The following KCNB2 variants were observed in gnomAD, a reference collection of about 807,000 sequenced individuals.
KCNB2 encodes the protein delayed rectifier potassium channel protein.
Under a neutral mutation model 61.5 loss-of-function variants are expected in KCNB2, and 15 were observed. The observed-to-expected ratio is 0.24, with a 90% confidence interval of 0.16 to 0.38. KCNB2 has a LOEUF of 0.38. KCNB2 is among the 10% of genes least tolerant of loss of function. The pLI is 1.00. For missense variants in KCNB2, 828 were observed against 1,125.2 expected (o/e 0.74, Z 3.78); for synonymous variants, 457 against 446.0 (o/e 1.02, Z -0.31).
At chr8:72,665,155 G>T (rs58750949) in intron 2 of KCNB2, among the ~76,000 whole-genome samples, 1 of 152,198 alleles carries the variant, frequency 6.6e-6, no homozygotes, top group Non-Finnish European at 1.5e-5. Context: ...GCATATGACC[G>T]CTTGAGGTGC....
chr8:72,562,133 TG>T (rs1426561358), intron 1 of KCNB2, among the ~76,000 whole-genome samples: 1 of 152,076 alleles, frequency 6.6e-6, no homozygotes, highest in Non-Finnish European at 1.5e-5. Flanking sequence ...AACACAAAAA[TG>T]AAATGTTAAA....
At chr8:72,790,435 T>C (rs1475034175) in intron 2 of KCNB2, among the ~76,000 whole-genome samples, 2 of 152,178 alleles carry the variant, frequency 1.3e-5, no homozygotes, top group East Asian at 1.9e-4. Context: ...GTGAGGATTT[T>C]TTAAATGTCC....
chr8:72,559,481 G>T (rs1806479055), intron 1 of KCNB2, among the ~76,000 whole-genome samples: 1 of 152,062 alleles, frequency 6.6e-6, no homozygotes, highest in Non-Finnish European at 1.5e-5. Context: ...AGGAAGCCGT[G>T]AGAGCATCTT....
intron 1 of KCNB2, among the ~76,000 whole-genome samples, chr8:72,559,680 T>G (rs949114347): frequency 3.3e-5 from 5 of 152,206 alleles, no homozygotes; most frequent in African/African-American, 1.2e-4. Flanking sequence ...CTGCGGCCAT[T>G]ACCCTTTACT....
intron 2 of KCNB2, among the ~76,000 whole-genome samples, chr8:72,854,237 G>T (rs1341984798): frequency 6.6e-6 from 1 of 152,052 alleles, no homozygotes; most frequent in Non-Finnish European, 1.5e-5. Flanking sequence ...TTCTAAGCAG[G>T]CAAAATAAAT....
At chr8:72,639,195 T>G (rs573080388) in intron 2 of KCNB2, among the ~76,000 whole-genome samples, 3 of 152,294 alleles carry the variant, frequency 2.0e-5, no homozygotes, top group Admixed American at 6.5e-5. Flanking sequence ...TGAACACATC[T>G]TCCCCAGCTT....
chr8:72,758,218 T>C (rs1808322188), intron 2 of KCNB2, among the ~76,000 whole-genome samples: 1 of 152,082 alleles, frequency 6.6e-6, no homozygotes, highest in African/African-American at 2.4e-5. Flanking sequence ...GAAAAGGAAG[T>C]TGACCAAGGA....
At chr8:72,648,458 A>G (rs1196891874) in intron 2 of KCNB2, among the ~76,000 whole-genome samples, 1 of 152,002 alleles carries the variant, frequency 6.6e-6, no homozygotes, top group Non-Finnish European at 1.5e-5. Context: ...TTTTATTTTT[A>G]GTAGATACAG....
At chr8:72,540,973 G>T (rs1806180671) in intron 1 of KCNB2, among the ~76,000 whole-genome samples, 1 of 142,138 alleles carries the variant, frequency 7.0e-6, no homozygotes, top group Non-Finnish European at 1.5e-5. Flanking sequence ...TAGAAGCTAG[G>T]CCCTGCTCCC....
chr8:72,682,010 T>G lies in KCNB2; in HGVS notation c.579+113697T>G, dbSNP rs187156312. On this transcript the variant is annotated intron_variant, in intron 2 of 2. Coordinates refer to ENST00000523207, the MANE Select transcript of KCNB2 (RefSeq NM_004770.3). ...TTTCAAGTCTTTGACTTTGCTCAATTAAACGACATTTGACTTCACAGACTG... is the reference window on the plus strand; with the variant it reads ...TTTCAAGTCTTTGACTTTGCTCAATGAAACGACATTTGACTTCACAGACTG... Among the ~76,000 whole-genome samples the G allele has an allele frequency of 1.7e-3, 266 of 152,350 alleles. 2 individuals carry two copies. Among genetic ancestry groups the G allele is most frequent in the African/African-American group, 5.9e-3 (247 of 41,584 alleles).
intron 2 of KCNB2, among the ~76,000 whole-genome samples, chr8:72,798,544 C>T (rs533046920): frequency 6.6e-6 from 1 of 152,110 alleles, no homozygotes; most frequent in South Asian, 2.1e-4. Context: ...ATATTAAAAC[C>T]TACCTCCCGT....
At position 72,903,026 on chromosome 8, in the gene KCNB2, T is replaced by G. The variant is rs147248141; in HGVS notation, c.580-32909T>G. Among the ~76,000 whole-genome samples, 497 of 152,318 alleles carry G rather than the reference T, an allele frequency of 3.3e-3. 6 individuals carry two copies. Among genetic ancestry groups the G allele is most frequent in the African/African-American group, 0.011 (475 of 41,580 alleles). On this transcript the variant is annotated intron_variant, in intron 2 of 2. Coordinates refer to ENST00000523207, the MANE Select transcript of KCNB2 (RefSeq NM_004770.3). ...ATAACCTCTATTTTATTTCTAATTC[T>G]AAACTTTGAGTTTCTTTGAGTACGG...
At chr8:72,690,817 A>G (rs1003162967) in intron 2 of KCNB2, among the ~76,000 whole-genome samples, 1 of 152,262 alleles carries the variant, frequency 6.6e-6, no homozygotes, top group African/African-American at 2.4e-5. Flanking sequence ...TTTTAATGTC[A>G]CAGGTGAAAG....
chr8:72,907,897 T>C (rs1177041468), intron 2 of KCNB2, among the ~76,000 whole-genome samples: 1 of 152,202 alleles, frequency 6.6e-6, no homozygotes, highest in Non-Finnish European at 1.5e-5. Context: ...ACATTTAACT[T>C]CCAATTTATT....
At chr8:72,820,678 C>A (rs528604419) in intron 2 of KCNB2, among the ~76,000 whole-genome samples, 1 of 151,718 alleles carries the variant, frequency 6.6e-6, no homozygotes, top group African/African-American at 2.4e-5. Flanking sequence ...TACCTCAATT[C>A]TTTCCCTCTA....
intron 2 of KCNB2, among the ~76,000 whole-genome samples, chr8:72,608,478 T>A (rs1433375749): frequency 6.6e-6 from 1 of 152,136 alleles, no homozygotes; most frequent in East Asian, 1.9e-4. Context: ...GTTGGGAGGC[T>A]ATTGAAACAG....
intron 2 of KCNB2, among the ~76,000 whole-genome samples, chr8:72,725,418 A>G (rs984297731): frequency 2.0e-5 from 3 of 150,876 alleles, no homozygotes; most frequent in African/African-American, 7.3e-5. Context: ...CTGAACTAAC[A>G]CTTAGGGAAG....
At chr8:72,865,028 C>G (rs1805493529) in intron 2 of KCNB2, among the ~76,000 whole-genome samples, 1 of 152,176 alleles carries the variant, frequency 6.6e-6, no homozygotes. Context: ...CTGTGTCTCT[C>G]TCATCTGCCT....
chr8:72,863,279 G>A (rs1805449411), intron 2 of KCNB2, among the ~76,000 whole-genome samples: 1 of 152,138 alleles, frequency 6.6e-6, no homozygotes, highest in Non-Finnish European at 1.5e-5. Flanking sequence ...CATTCCCTCT[G>A]CAATCTGGTT....
Sources: gnomAD v4.1 joint callset for allele counts (sites outside exome capture counted in the v4.1 genomes callset) on GRCh38, gnomAD v4.1.1 for gene constraint, MANE v1.5 for transcripts, NCBI Gene and HGNC (gene_info 2026-07-23, HGNC 2026-07-21) for gene names.